The following PCDHGA3 variants were observed in gnomAD, a reference collection of about 807,000 sequenced individuals.
The protein encoded by PCDHGA3 is protocadherin gamma-A3.
In PCDHGA3, 40 loss-of-function variants were observed where a neutral mutation model predicts 58.5. The ratio of observed to expected loss-of-function variants is 0.68; its 90% CI spans 0.53 to 0.89. PCDHGA3 has a LOEUF of 0.89. Among genes scored for constraint, PCDHGA3 ranks in the 40% least tolerant of loss-of-function variants. The pLI, the probability that PCDHGA3 is intolerant of heterozygous loss-of-function variation, is 0.00. For synonymous variants in PCDHGA3, 530 were observed against 525.7 expected, an observed-to-expected ratio of 1.01 and a Z score of -0.11; for missense variants, 1,223 against 1,195.9, an observed-to-expected ratio of 1.02 and a Z score of -0.33.
chr5:141,437,892 C>A (rs2097916583), intron 1 of PCDHGA3, among the ~76,000 whole-genome samples: 2 of 152,116 alleles, frequency 1.3e-5, no homozygotes, highest in Admixed American at 1.3e-4. Context: ...CACACGCCAC[C>A]ACACCCAGCT....
Position 141,344,756 on chromosome 5 carries a change from G to A in PCDHGA3, c.723G>A (p.Met241Ile), listed in dbSNP as rs1188842802. ...TGGATGCAAATGACAACCCACCAAT[G>A]TTTACTCAGCCTGAGTACCGTGTGA... ...IVLDANDNPP[M>I]FTQPEYRVSV... Residue 241 changes from methionine to isoleucine, a missense_variant, in exon 1 of 4, where the codon ATG becomes ATA. Transcript: ENST00000253812. 3 of 1,613,948 alleles carry A rather than the reference G, an allele frequency of 1.9e-6. No individual in the cohort carries two copies. Among genetic ancestry groups the A allele is most frequent in the Non-Finnish European group, 2.5e-6 (3 of 1,179,892 alleles).
intron 1 of PCDHGA3, among the ~76,000 whole-genome samples, chr5:141,406,795 C>G (rs1277584347): frequency 6.6e-6 from 1 of 152,204 alleles, no homozygotes; most frequent in African/African-American, 2.4e-5. Context: ...TTATTTCTGG[C>G]TCAATTCTCC....
intron 1 of PCDHGA3, chr5:141,365,567 GA>G: frequency 6.2e-7 from 1 of 1,613,698 alleles, no homozygotes; most frequent in Non-Finnish European, 8.5e-7. Flanking sequence ...CCTGGACAGA[GA>G]AGAGACTTCA....
rs530261329 is a variant in PCDHGA3, at chr5:141,440,076, A to G, written c.2425-54731A>G. 2.4e-4 allele frequency: 37 copies of G among 152,560 alleles called. No individual in the cohort carries two copies. In the South Asian group the frequency reaches 3.7e-3, roughly 15 times the overall value. The allele number at this position is 152,560 out of a possible 1,614,324, so 9.5% of individuals were successfully genotyped here. On this transcript the variant is annotated intron_variant, in intron 1 of 3. Coordinates refer to ENST00000253812, the MANE Select transcript of PCDHGA3 (RefSeq NM_018916.4). Reference sequence around the variant, plus strand: ...CTTCGGGTTAATGCTGAGGAATAATACTTCATTCTAAGTGGGGAAAGTGGA... The same window carrying G: ...CTTCGGGTTAATGCTGAGGAATAATGCTTCATTCTAAGTGGGGAAAGTGGA...
chr5:141,415,206 G>A, intron 1 of PCDHGA3: 4 of 1,614,054 alleles, frequency 2.5e-6, no homozygotes, highest in African/African-American at 1.3e-5. Flanking sequence ...AAGTCCTGGC[G>A]GACCTCGGCA....
At chr5:141,475,282 G>C (rs942761003) in intron 1 of PCDHGA3, among the ~76,000 whole-genome samples, 2 of 152,150 alleles carry the variant, frequency 1.3e-5, no homozygotes, top group African/African-American at 4.8e-5. Context: ...TGAAAGACAG[G>C]GTAGGGAAAT....
chr5:141,402,229 A>G (rs1263337414), intron 1 of PCDHGA3, among the ~76,000 whole-genome samples: 4 of 152,110 alleles, frequency 2.6e-5, no homozygotes, highest in Non-Finnish European at 5.9e-5. Context: ...ACGTTTTTCC[A>G]GGAATTTTAT....
intron 1 of PCDHGA3, chr5:141,367,537 A>AAAGTAAAT (rs373624904): frequency 1.5e-4 from 22 of 147,524 alleles, no homozygotes; most frequent in African/African-American, 5.5e-4. Context: ...ACTCCGTCTC[A>AAAGTAAAT]AAATAAATAA....
At chr5:141,404,635 A>C (rs2094549114) in intron 1 of PCDHGA3, 1 of 1,614,130 alleles carries the variant, frequency 6.2e-7, no homozygotes, top group Non-Finnish European at 8.5e-7. Context: ...ATGCCCCAGA[A>C]ATCCTGTACC....
chr5:141,423,095 A>ACG (rs2096709208), intron 1 of PCDHGA3: 4 of 1,613,860 alleles, frequency 2.5e-6, no homozygotes, highest in African/African-American at 2.7e-5. Flanking sequence ...GTGGGGGAGC[A>ACG]CACGGGCGAG....
At chr5:141,359,669 G>T (rs1417596414) in intron 1 of PCDHGA3, among the ~76,000 whole-genome samples, 1 of 151,966 alleles carries the variant, frequency 6.6e-6, no homozygotes, top group African/African-American at 2.4e-5. Context: ...ATAAAAATCC[G>T]TTGCCCTATA....
At chr5:141,504,529 G>A (rs1333393859) in intron 2 of PCDHGA3, among the ~76,000 whole-genome samples, 1 of 151,900 alleles carries the variant, frequency 6.6e-6, no homozygotes, top group African/African-American at 2.4e-5. Context: ...TATTTTATTC[G>A]TGTCATCATG....
In PCDHGA3 at chr5:141,492,000, A is replaced by G; in HGVS notation, c.2425-2807A>G. On this transcript the variant is annotated intron_variant, in intron 1 of 3. Transcript: ENST00000253812. The surrounding 1 kb of genome is among the most constrained non-coding windows in gnomAD (Gnocchi z 6.9). Reference sequence around the variant, plus strand: ...TCGAGCTTCCGGTGAATTTCGGGCGATTTCCGCGGGTGTCGGGGGTCCCGG... The same window carrying G: ...TCGAGCTTCCGGTGAATTTCGGGCGGTTTCCGCGGGTGTCGGGGGTCCCGG... 1 of 659,856 alleles carries G rather than the reference A, an allele frequency of 1.5e-6. No homozygotes were observed. The highest frequency in any genetic ancestry group is 3.1e-5 in the South Asian group (1 of 32,438). 40.9% of individuals were successfully genotyped at this position (659,856 alleles called of 1,614,324 possible).
intron 1 of PCDHGA3, among the ~76,000 whole-genome samples, chr5:141,380,906 G>A (rs528730354): frequency 1.3e-3 from 196 of 152,328 alleles, no homozygotes; most frequent in Non-Finnish European, 2.0e-3. Flanking sequence ...ATCTACAAGT[G>A]CTTACATTGT....
chr5:141,381,820 C>CTTTCT (rs1279410534), intron 1 of PCDHGA3, among the ~76,000 whole-genome samples: 20 of 119,922 alleles, frequency 1.7e-4, no homozygotes, highest in African/African-American at 3.7e-4. Flanking sequence ...TTCTTTCTTT[C>CTTTCT]TTCTTCTTTT....
chr5:141,389,843 G>A lies in PCDHGA3; in HGVS notation c.2424+43386G>A, dbSNP rs372102656. On this transcript the variant is annotated intron_variant, in intron 1 of 3. Transcript: ENST00000253812. ...GTGACGGTGGACAGCCACCACTCTC[G>A]GCCACTGCCACGTTGCACCTGGTCT... is the stretch of plus-strand genomic sequence containing the variant. The A allele has an allele frequency of 3.7e-6, 6 of 1,613,898 alleles. 1 individual carries two copies. The highest frequency in any genetic ancestry group is 2.7e-5 in the African/African-American group (2 of 74,948).
At chr5:141,419,443 C>A in intron 1 of PCDHGA3, 1 of 1,613,080 alleles carries the variant, frequency 6.2e-7, no homozygotes, top group Non-Finnish European at 8.5e-7. Context: ...TGCGCACCTT[C>A]GAGCTCACGC....
intron 1 of PCDHGA3, chr5:141,478,265 G>A: frequency 6.2e-7 from 1 of 1,614,196 alleles, no homozygotes; most frequent in African/African-American, 1.3e-5. Context: ...CATATTCAAA[G>A]TTTACAAGTG....
chr5:141,488,158 G>A (rs534297140), intron 1 of PCDHGA3, among the ~76,000 whole-genome samples: 4 of 152,328 alleles, frequency 2.6e-5, no homozygotes, highest in South Asian at 2.1e-4. Context: ...AGAGAGGCAC[G>A]CATCAGAGTG....
Sources: gnomAD v4.1 joint callset for allele counts (sites outside exome capture counted in the v4.1 genomes callset) on GRCh38, gnomAD v4.1.1 for gene constraint, Gnocchi (gnomAD v3.1) non-coding constraint, MANE v1.5 for transcripts, NCBI Gene and HGNC (gene_info 2026-07-23, HGNC 2026-07-21) for gene names.